ELF2: variants seen among roughly 807,000 people sequenced by gnomAD.
ELF2 encodes the protein E74 like ETS transcription factor 2, also known as ETS-related transcription factor Elf-2.
A neutral mutation model predicts 54.8 loss-of-function variants in ELF2; 11 were observed. That is an observed-to-expected ratio of 0.20 (90% CI 0.13 to 0.33). The LOEUF (loss-of-function observed/expected upper bound fraction) is 0.33. ELF2 is among the 10% of genes least tolerant of loss of function. The pLI is 1.00. For missense variants in ELF2, 513 were observed against 703.0 expected (o/e 0.73, Z 3.06); for synonymous variants, 203 against 245.1 (o/e 0.83, Z 1.61).
rs77410220 is a variant in ELF2 at position 139,098,229 on chromosome 4, C to T, written c.239-24662G>A. Among the ~76,000 whole-genome samples, 109 of 152,206 alleles carry T rather than the reference C, an allele frequency of 7.2e-4. 1 individual carries two copies. The highest frequency in any genetic ancestry group is 2.3e-3 in the African/African-American group (96 of 41,536). The stretch of plus-strand genomic sequence containing the variant: ...CTTTTTTACACTTTGACAAAGATGT[C>T]CCACTATTTTGTAGATATGTCTAGT... On this transcript the variant is annotated intron_variant, in intron 4 of 9. Transcript: ENST00000686138.
chr4:139,111,664 A>G (rs778682913), intron 4 of ELF2, among the ~76,000 whole-genome samples: 1 of 152,182 alleles, frequency 6.6e-6, no homozygotes, highest in Non-Finnish European at 1.5e-5. Context: ...GAAAAACCCA[A>G]AAGTTTATAC....
At chr4:139,141,283 T>TC (rs1490747525) in intron 1 of ELF2, among the ~76,000 whole-genome samples, 3 of 152,234 alleles carry the variant, frequency 2.0e-5, no homozygotes, top group African/African-American at 7.2e-5. Context: ...GTTCTCAGGT[T>TC]CCCTTCATGT....
At chr4:139,136,448 G>A (rs1212761167) in intron 3 of ELF2, among the ~76,000 whole-genome samples, 9 of 151,782 alleles carry the variant, frequency 5.9e-5, no homozygotes, top group African/African-American at 1.9e-4. Context: ...ACTACAGAAC[G>A]CACAGACTGA....
At chr4:139,125,686 G>T (rs1736841668) in intron 3 of ELF2, among the ~76,000 whole-genome samples, 3 of 150,546 alleles carry the variant, frequency 2.0e-5, no homozygotes, top group Non-Finnish European at 4.4e-5. Context: ...CAAACAAGAA[G>T]AGGTAAGAAC....
intron 1 of ELF2, among the ~76,000 whole-genome samples, chr4:139,172,088 G>A (rs1406574524): frequency 1.3e-5 from 2 of 152,128 alleles, no homozygotes; most frequent in Non-Finnish European, 2.9e-5. Flanking sequence ...AAAGCTAAAC[G>A]TATGATGCTG....
At chr4:139,090,803 CAGGCTGG>C (rs1266185136) in intron 4 of ELF2, among the ~76,000 whole-genome samples, 1 of 152,182 alleles carries the variant, frequency 6.6e-6, no homozygotes, top group East Asian at 1.9e-4. Flanking sequence ...CCACGTTGGC[CAGGCTGG>C]TCTCAAACTC....
At chr4:139,128,117 AAATAAAT>A (rs1737115849) in intron 3 of ELF2, among the ~76,000 whole-genome samples, 1 of 151,882 alleles carries the variant, frequency 6.6e-6, no homozygotes, top group Non-Finnish European at 1.5e-5. Flanking sequence ...AAAAAATAAA[AAATAAAT>A]ATCAGCCGGG....
chr4:139,143,770 A>T (rs553874254), intron 1 of ELF2, among the ~76,000 whole-genome samples: 1 of 152,220 alleles, frequency 6.6e-6, no homozygotes, highest in South Asian at 2.1e-4. Flanking sequence ...ACAGAGCAAG[A>T]CTCTGCCTCA....
chr4:139,104,778 G>T (rs575977239), intron 4 of ELF2, among the ~76,000 whole-genome samples: 2 of 152,204 alleles, frequency 1.3e-5, no homozygotes, highest in African/African-American at 4.8e-5. Flanking sequence ...TTGTTCCTCT[G>T]CCTCTAACCA....
At chr4:139,150,753 T>G (rs773331416) in intron 1 of ELF2, among the ~76,000 whole-genome samples, 1 of 151,966 alleles carries the variant, frequency 6.6e-6, no homozygotes, top group Admixed American at 6.6e-5. Flanking sequence ...CTGGGTGTGG[T>G]GGCTCATGCC....
intron 1 of ELF2, among the ~76,000 whole-genome samples, chr4:139,157,820 T>C (rs1453482762): frequency 1.3e-5 from 2 of 152,244 alleles, no homozygotes; most frequent in Non-Finnish European, 2.9e-5. Context: ...CGACGATTTG[T>C]TCAACCTGTT....
In ELF2 at chr4:139,132,873, TAA is replaced by T. The variant is rs1553967482; in HGVS notation, c.72+4755_72+4756del. 7.3e-4 allele frequency among the ~76,000 whole-genome samples: 64 copies of T among 88,028 alleles called. No homozygotes were observed. The East Asian group carries it at 0.015, about 20-fold the overall frequency. The allele number at this position is 88,028 out of a possible 152,430, so 57.7% of individuals were successfully genotyped here. A position where few individuals can be genotyped will look rare whatever the true frequency, so the allele number is the denominator to read the frequency against. ...ATATATATATATATATATATATATA[TAA>T]AATATGTAATTTTTTTTTTTGGTGG... On this transcript the variant is annotated intron_variant, in intron 3 of 9. Coordinates refer to ENST00000686138, the MANE Select transcript of ELF2 (RefSeq NM_001331036.3).
intron 4 of ELF2, among the ~76,000 whole-genome samples, chr4:139,092,561 C>G (rs527730441): frequency 6.6e-6 from 1 of 152,062 alleles, no homozygotes; most frequent in Non-Finnish European, 1.5e-5. Context: ...AGCTTGAGAC[C>G]AGCCTGGGCA....
chr4:139,067,020 T>A (rs1728803348), intron 7 of ELF2: 1 of 152,024 alleles, frequency 6.6e-6, no homozygotes, highest in Admixed American at 6.6e-5. Flanking sequence ...ATGCCTATAG[T>A]CCCAGCACTT....
At chr4:139,152,099 ACT>A (rs1016326937) in intron 1 of ELF2, among the ~76,000 whole-genome samples, 3 of 152,142 alleles carry the variant, frequency 2.0e-5, no homozygotes, top group African/African-American at 4.8e-5. Flanking sequence ...GTACAAGGAA[ACT>A]CTCTGGGGTG....
intron 3 of ELF2, among the ~76,000 whole-genome samples, chr4:139,126,423 T>G (rs145501427): frequency 4.9e-4 from 71 of 144,098 alleles, no homozygotes; most frequent in African/African-American, 1.6e-3. Context: ...AAGAAGTAAA[T>G]CAATAAAATT....
intron 7 of ELF2, among the ~76,000 whole-genome samples, chr4:139,065,516 G>A (rs2148673530): frequency 6.6e-6 from 1 of 152,174 alleles, no homozygotes; most frequent in South Asian, 2.1e-4. Context: ...CTGGTTTTAG[G>A]GAAAACAGGA....
chr4:139,118,684 GTT>G (rs933250423), intron 4 of ELF2, among the ~76,000 whole-genome samples: 5 of 141,972 alleles, frequency 3.5e-5, no homozygotes, highest in African/African-American at 5.1e-5. Flanking sequence ...TAAAGCATTT[GTT>G]TTTTTTTTTT....
chr4:139,160,419 T>C (rs1741015204), intron 1 of ELF2, among the ~76,000 whole-genome samples: 3 of 152,180 alleles, frequency 2.0e-5, no homozygotes, highest in South Asian at 4.1e-4. Context: ...ATGGAGACCA[T>C]AGTACAAGTA....
Sources: gnomAD v4.1 joint callset for allele counts (sites outside exome capture counted in the v4.1 genomes callset) on GRCh38, gnomAD v4.1.1 for gene constraint, MANE v1.5 for transcripts, NCBI Gene and HGNC (gene_info 2026-07-23, HGNC 2026-07-21) for gene names.